The following ADGRL2 variants were observed in gnomAD, a reference collection of about 807,000 sequenced individuals.
The protein encoded by ADGRL2 is adhesion G protein-coupled receptor L2, also known as calcium-independent alpha-latrotoxin receptor 2.
In ADGRL2, 44 loss-of-function variants were observed where a neutral mutation model predicts 157.4. The ratio of observed to expected loss-of-function variants is 0.28; its 90% CI spans 0.22 to 0.36. The LOEUF is 0.36. Ranked by LOEUF, ADGRL2 falls within the 10% of genes least tolerant of loss-of-function variation. The probability of loss-of-function intolerance (pLI) is 1.00; values close to 1 mark genes in which losing one functional copy is unlikely to be tolerated. For missense variants in ADGRL2, 1,510 were observed against 1,768.9 expected, an observed-to-expected ratio of 0.85 and a Z score of 2.63; for synonymous variants, 585 against 624.7, an observed-to-expected ratio of 0.94 and a Z score of 0.95.
Position 81,563,626 on chromosome 1 carries a change from T to C in ADGRL2, c.-247-17250T>C, listed in dbSNP as rs111726079. ...ATTTTACAGCTAAAAACTCACTCTTTTTTTGTTTTTCAGTGAGGAAAGATC... is the reference window on the plus strand; with the variant it reads ...ATTTTACAGCTAAAAACTCACTCTTCTTTTGTTTTTCAGTGAGGAAAGATC... On this transcript the variant is annotated intron_variant, in intron 2 of 24. Transcript: ENST00000370721. 8.8e-3 allele frequency among the ~76,000 whole-genome samples: 1,340 copies of C among 152,286 alleles called. 30 individuals carry two copies. Among genetic ancestry groups the C allele is most frequent in the African/African-American group, 0.031 (1,286 of 41,562 alleles).
intron 1 of ADGRL2, among the ~76,000 whole-genome samples, chr1:81,361,427 A>G (rs1023944177): frequency 6.6e-6 from 1 of 151,932 alleles, no homozygotes; most frequent in East Asian, 1.9e-4. Flanking sequence ...TTTAAAATTG[A>G]CAAATTCTAT....
intron 2 of ADGRL2, among the ~76,000 whole-genome samples, chr1:81,793,741 C>T (rs2087458665): frequency 6.6e-6 from 1 of 152,056 alleles, no homozygotes; most frequent in Non-Finnish European, 1.5e-5. Context: ...CTCAAATCTA[C>T]ACCTGCATAA....
intron 1 of ADGRL2, among the ~76,000 whole-genome samples, chr1:81,402,417 T>C (rs944877764): frequency 3.9e-5 from 6 of 152,186 alleles, no homozygotes; most frequent in Non-Finnish European, 8.8e-5. Flanking sequence ...CACTGGGTGA[T>C]GATTCTTTGA....
At chr1:81,467,047 A>T (rs926024189) in intron 2 of ADGRL2, among the ~76,000 whole-genome samples, 4 of 133,314 alleles carry the variant, frequency 3.0e-5, no homozygotes, top group South Asian at 4.9e-4. Flanking sequence ...AGCTACAGTT[A>T]AAAAAAAAAA....
chr1:81,324,715 G>A (rs1660770842), intron 1 of ADGRL2, among the ~76,000 whole-genome samples: 1 of 151,932 alleles, frequency 6.6e-6, no homozygotes, highest in Non-Finnish European at 1.5e-5. Flanking sequence ...CTAAGGGGGA[G>A]GTGAGGAAAC....
At chr1:81,511,349 C>T (rs1490807574) in intron 2 of ADGRL2, among the ~76,000 whole-genome samples, 2 of 146,410 alleles carry the variant, frequency 1.4e-5, no homozygotes, top group African/African-American at 5.1e-5. Context: ...CAAGCCCAGT[C>T]CAGGTAACAC....
intron 3 of ADGRL2, among the ~76,000 whole-genome samples, chr1:81,616,679 C>CTTTTCTTTTTTTT (rs1491482868): frequency 3.8e-4 from 40 of 105,960 alleles, no homozygotes; most frequent in South Asian, 1.8e-3. Context: ...CTTTTCTTTT[C>CTTTTCTTTTTTTT]TTTTTTTTTT....
chr1:81,391,081 T>A (rs2076542763), intron 1 of ADGRL2, among the ~76,000 whole-genome samples: 1 of 152,306 alleles, frequency 6.6e-6, no homozygotes, highest in African/African-American at 2.4e-5. Flanking sequence ...AAGCTTTAGT[T>A]TAGCATATGC....
intron 1 of ADGRL2, among the ~76,000 whole-genome samples, chr1:81,434,509 G>T (rs1436923942): frequency 6.6e-6 from 1 of 151,928 alleles, no homozygotes; most frequent in African/African-American, 2.4e-5. Context: ...TGCTTGATGA[G>T]GGTACCATAA....
At position 81,987,008 on chromosome 1, in the gene ADGRL2, G is replaced by C. The variant is rs749505051; in HGVS notation, c.3616G>C (p.Ala1206Pro). ...AACAGTTGTATGTAATGCCCCTTCA[G>C]CTCCTGTATTTAACTCACCAGGTGT... ...AETVVCNAPS[A>P]PVFNSPATYR... Residue 1206 changes from alanine (A) to proline (P), a missense_variant, in exon 22 of 24, where the codon GCT (alanine) becomes CCT (proline). Transcript: ENST00000686636. 2 of 1,611,246 alleles carry C rather than the reference G, an allele frequency of 1.2e-6. No individual in the cohort carries two copies. The highest frequency in any genetic ancestry group is 1.7e-6 in the Non-Finnish European group (2 of 1,179,156).
At chr1:81,366,257 A>C (rs886687827) in intron 1 of ADGRL2, among the ~76,000 whole-genome samples, 7 of 151,998 alleles carry the variant, frequency 4.6e-5, no homozygotes, top group Admixed American at 2.6e-4. Context: ...TGAGCTCTTC[A>C]CTAAGGAACC....
At chr1:81,600,770 G>A (rs1251622241) in intron 3 of ADGRL2, among the ~76,000 whole-genome samples, 3 of 152,214 alleles carry the variant, frequency 2.0e-5, no homozygotes, top group Non-Finnish European at 2.9e-5. Context: ...GACTAGTGGT[G>A]TAGCTGGAGG....
chr1:81,427,461 G>C (rs1319333464), intron 1 of ADGRL2: 1 of 754,082 alleles, frequency 1.3e-6, no homozygotes, highest in African/African-American at 1.7e-5. Context: ...GTGGTGGTGG[G>C]AACTATAATG....
chr1:81,333,033 G>A (rs969282831), intron 1 of ADGRL2, among the ~76,000 whole-genome samples: 1 of 152,116 alleles, frequency 6.6e-6, no homozygotes, highest in Non-Finnish European at 1.5e-5. Context: ...CCACCATCTG[G>A]TCGTATAACT....
chr1:81,712,359 A>T (rs1226987989), intron 1 of ADGRL2, among the ~76,000 whole-genome samples: 1 of 152,212 alleles, frequency 6.6e-6, no homozygotes, highest in Non-Finnish European at 1.5e-5. Context: ...ATCGGTCTTC[A>T]TCGATGTGAC....
intron 2 of ADGRL2, among the ~76,000 whole-genome samples, chr1:81,540,221 G>T (rs2079849012): frequency 6.6e-6 from 1 of 152,008 alleles, no homozygotes; most frequent in African/African-American, 2.4e-5. Flanking sequence ...TAAAAATTTT[G>T]CAATCTGTTC....
chr1:81,902,881 A>G (rs182816874), intron 2 of ADGRL2, among the ~76,000 whole-genome samples: 2 of 152,250 alleles, frequency 1.3e-5, no homozygotes, highest in East Asian at 3.9e-4. Flanking sequence ...TGGACTTTTG[A>G]AAATTATTTT....
upstream of ADGRL2, among the ~76,000 whole-genome samples, chr1:81,798,753 G>A (rs898529100): frequency 3.3e-5 from 5 of 152,108 alleles, no homozygotes; most frequent in Non-Finnish European, 7.4e-5. Flanking sequence ...TTATTTCTGA[G>A]AGAGTTAAAT....
intron 1 of ADGRL2, among the ~76,000 whole-genome samples, chr1:81,420,097 C>G (rs539817095): frequency 1.3e-5 from 2 of 152,274 alleles, no homozygotes; most frequent in Admixed American, 6.5e-5. Flanking sequence ...AAAATAGAGG[C>G]AACCTAACCT....
Sources: gnomAD v4.1 joint callset for allele counts (sites outside exome capture counted in the v4.1 genomes callset) on GRCh38, gnomAD v4.1.1 for gene constraint, MANE v1.5 for transcripts, NCBI Gene and HGNC (gene_info 2026-07-23, HGNC 2026-07-21) for gene names.